NOX5: variants seen among roughly 807,000 people sequenced by gnomAD.
NOX5 encodes the protein NADPH oxidase, EF-hand calcium binding domain 5.
NOX5 carries 76 observed loss-of-function variants against 85.7 expected under a neutral mutation model. The ratio of observed to expected loss-of-function variants is 0.89; its 90% CI spans 0.74 to 1.07. The LOEUF (loss-of-function observed/expected upper bound fraction) is 1.07. Ranked by LOEUF, NOX5 falls within the 50% of genes least tolerant of loss-of-function variation. The probability of loss-of-function intolerance (pLI) is 0.00; values close to 1 mark genes in which losing one functional copy is unlikely to be tolerated. For missense variants in NOX5, 973 were observed against 999.5 expected, an observed-to-expected ratio of 0.97 and a Z score of 0.36; for synonymous variants, 405 against 401.4, an observed-to-expected ratio of 1.01 and a Z score of -0.11.
intron 2 of NOX5, 114 bp from the exon 3 acceptor site, chr15:69,028,101 C>T: frequency 8.7e-7 from 1 of 1,145,962 alleles, no homozygotes; most frequent in Non-Finnish European, 1.2e-6. Context: ...TGAATACCGC[C>T]ACTCTGTGGT....
chr15:69,033,701 CTTTTTT>C (rs570603838), intron 5 of NOX5, among the ~76,000 whole-genome samples: 1 of 119,290 alleles, frequency 8.4e-6, no homozygotes, highest in East Asian at 2.6e-4. Flanking sequence ...TCTTTTTTTT[CTTTTTT>C]TTTTTTTTTT....
chr15:69,036,813 G>T (rs2050522093), intron 7 of NOX5, among the ~76,000 whole-genome samples: 1 of 152,120 alleles, frequency 6.6e-6, no homozygotes, highest in African/African-American at 2.4e-5. Context: ...TCAGATGTTT[G>T]CCTCTGGTAT....
At position 69,042,696 on chromosome 15, in the gene NOX5, A is replaced by G; in HGVS notation, c.1538A>G (p.Gln513Arg). ...TIWLHIRSQG[Q>R]WTNRLYESFK... ...TGGCTGCACATTCGGTCCCAAGGCC[A>G]GTGGACAAACAGGCTGTATGAGTCC... Residue 513 changes from glutamine (Q) to arginine (R), a missense_variant, in exon 10 of 16, where the codon CAG becomes CGG. Physicochemically the swap from Gln to Arg is conservative, Grantham distance 43. Transcript: ENST00000388866. The G allele has an allele frequency of 3.7e-6, 6 of 1,614,080 alleles. No homozygotes were observed. The highest frequency in any genetic ancestry group is 5.1e-6 in the Non-Finnish European group (6 of 1,180,030).
chr15:69,023,183 C>T (rs550249458), intron 1 of NOX5: 9 of 282,044 alleles, frequency 3.2e-5, no homozygotes, highest in African/African-American at 9.2e-5. Context: ...CTGTAGAGAC[C>T]GCTAAGAGAG....
chr15:69,038,162 T>C (rs190654840), intron 8 of NOX5: 1 of 152,786 alleles, frequency 6.5e-6, no homozygotes, highest in Admixed American at 6.5e-5. Context: ...CTAGGACGTC[T>C]CCCAGGTGTC....
At chr15:69,026,790 TA>T in intron 2 of NOX5, 139 bp downstream of exon 2, 1 of 1,123,250 alleles carries the variant, frequency 8.9e-7, no homozygotes, top group Non-Finnish European at 1.3e-6. Flanking sequence ...GCGGGATGTT[TA>T]TGGCACCCTC....
chr15:69,033,157 T>TGCAG lies in NOX5; in HGVS notation c.738_741dup (p.Leu248ArgfsTer150). ...GCCAGCTGTTCTGCCTGGCCACCTATGCAGGCCTCCACGTGCTGCTCTTCG... is the reference window on the plus strand; with the variant it reads ...GCCAGCTGTTCTGCCTGGCCACCTATGCAGGCAGGCCTCCACGTGCTGCTCTTCG... On this transcript the variant is annotated frameshift_variant, in exon 5 of 16. Coordinates refer to ENST00000388866, the MANE Select transcript of NOX5 (RefSeq NM_024505.4). LOFTEE classifies it high-confidence loss of function. 1 of 1,580,594 alleles carries TGCAG rather than the reference T, an allele frequency of 6.3e-7. No homozygotes were observed. The highest frequency in any genetic ancestry group is 8.5e-7 in the Non-Finnish European group (1 of 1,170,100).
rs777205240 is a variant in NOX5, at chr15:69,031,743, C to A, written c.551C>A (p.Ala184Asp). 3.1e-6 allele frequency: 5 copies of A among 1,612,554 alleles called. No homozygotes were observed. In the Admixed American group the frequency reaches 5.0e-5, roughly 16 times the overall value. The change falls in exon 4 of 16, where the codon GCC (alanine) becomes GAC (aspartate). Residue 184 changes from alanine (A) to aspartate (D), a missense_variant. Coordinates refer to ENST00000388866, the MANE Select transcript of NOX5 (RefSeq NM_024505.4). ...FESADADGNGAITFEELRDEL... is the reference protein window; with the variant it reads ...FESADADGNGDITFEELRDEL... ...TCGGCCGACGCGGACGGCAACGGGG[C>A]CATCACCTTCGAGGAGCTCCGGGAC...
chr15:69,026,697 G>A (rs754398293), intron 2 of NOX5, 46 bp downstream of exon 2: 11 of 1,612,096 alleles, frequency 6.8e-6, no homozygotes, highest in Non-Finnish European at 9.3e-6. Flanking sequence ...TCGTTATGTG[G>A]CCTGGTTCTC....
chr15:69,046,912 C>T, intron 11 of NOX5, 46 bp downstream of exon 11: 1 of 1,597,340 alleles, frequency 6.3e-7, no homozygotes, highest in Non-Finnish European at 8.6e-7. Flanking sequence ...CCTGCCCCAA[C>T]CAAAGGAAAT....
intron 14 of NOX5, 35 bp from the exon 15 acceptor site, chr15:69,055,299 G>C (rs369991907): frequency 3.1e-6 from 5 of 1,608,868 alleles, no homozygotes; most frequent in Non-Finnish European, 4.3e-6. Flanking sequence ...ATGGGTACTA[G>C]ACCCTCAGTG....
rs368144949 is a variant in NOX5, at chr15:69,053,448, A to G, written c.2000-1886A>G. On this transcript the variant is annotated intron_variant, in intron 14 of 15. Coordinates refer to ENST00000388866, the MANE Select transcript of NOX5 (RefSeq NM_024505.4). ...TACATTTATTTGTAGTAGAAGTGCTAGTAGTAATAAGTGTTTAATAAAAGT... is the reference window on the plus strand; with the variant it reads ...TACATTTATTTGTAGTAGAAGTGCTGGTAGTAATAAGTGTTTAATAAAAGT... Among the ~76,000 whole-genome samples, 153 of 152,332 alleles carry G rather than the reference A, an allele frequency of 1.0e-3. 1 individual carries two copies. In the South Asian group the frequency reaches 0.031, roughly 30 times the overall value.
At position 69,031,784 on chromosome 15, in the gene NOX5, C is replaced by A. The variant is rs1466864762; in HGVS notation, c.592C>A (p.Pro198Thr). ...EELRDELQRF[P>T]GVMENLTISA... ...GCTCCGGGACGAGCTGCAGCGCTTC[C>A]CCGGAGTCATGGAGAACCTGACCAT... is the stretch of plus-strand genomic sequence containing the variant. Residue 198 changes from proline (P) to threonine (T), a missense_variant, in exon 4 of 16, where the codon CCC becomes ACC. Physicochemically the swap from Pro to Thr is conservative, Grantham distance 38 (BLOSUM62 -1). Coordinates refer to ENST00000388866, the MANE Select transcript of NOX5 (RefSeq NM_024505.4). The A allele has an allele frequency of 1.2e-6, 2 of 1,604,386 alleles. No homozygotes were observed. Among genetic ancestry groups the A allele is most frequent in the African/African-American group, 2.7e-5 (2 of 74,788 alleles).
intron 1 of NOX5, among the ~76,000 whole-genome samples, chr15:69,021,896 C>T (rs2050299898): frequency 6.6e-6 from 1 of 152,274 alleles, no homozygotes; most frequent in African/African-American, 2.4e-5. Context: ...GTGCCATAAT[C>T]TGCATATTTA....
chr15:69,057,980 G>C lies in NOX5; in HGVS notation c.*1284G>C, dbSNP rs775760074. The C allele has an allele frequency of 1.3e-5, 2 of 152,404 alleles. No homozygotes were observed. Among genetic ancestry groups the C allele is most frequent in the African/African-American group, 2.4e-5 (1 of 41,444 alleles). The allele number at this position is 152,404 out of a possible 1,614,324, so 9.4% of individuals were successfully genotyped here. A position where few individuals can be genotyped will look rare whatever the true frequency, so the allele number is the denominator to read the frequency against. ...GGAGCGGCCCTGGGCAGAGGACAGG[G>C]TGGGCCTCACCTCCTCCATCTGAGC... On this transcript the variant is annotated 3_prime_UTR_variant, in exon 16 of 16. Coordinates refer to ENST00000388866, the MANE Select transcript of NOX5 (RefSeq NM_024505.4).
chr15:69,031,763 C>G lies in NOX5; in HGVS notation c.571C>G (p.Arg191Gly), dbSNP rs149875802. ...CGGGGCCATCACCTTCGAGGAGCTC[C>G]GGGACGAGCTGCAGCGCTTCCCCGG... is the stretch of plus-strand genomic sequence containing the variant. ...GNGAITFEEL[R>G]DELQRFPGVM... Residue 191 changes from arginine to glycine, a missense_variant, in exon 4 of 16, where the codon CGG becomes GGG. Arg to Gly is a moderately radical substitution (Grantham distance 125). Coordinates refer to ENST00000388866, the MANE Select transcript of NOX5 (RefSeq NM_024505.4). The G allele has an allele frequency of 3.1e-6, 5 of 1,608,356 alleles. No individual in the cohort carries two copies. The highest frequency in any genetic ancestry group is 1.1e-5 in the South Asian group (1 of 90,882).
At chr15:69,056,123 T>C (rs1366783871) in intron 15 of NOX5, among the ~76,000 whole-genome samples, 1 of 151,968 alleles carries the variant, frequency 6.6e-6, no homozygotes, top group African/African-American at 2.4e-5. Flanking sequence ...TAGAAAAGGG[T>C]CCTCACTGGG....
intron 5 of NOX5, 58 bp from the exon 6 acceptor site, chr15:69,035,294 GAA>G: frequency 1.3e-6 from 2 of 1,571,346 alleles, no homozygotes; most frequent in South Asian, 2.4e-5. Flanking sequence ...AGGTGGCTGG[GAA>G]AAGAGGACAA....
intron 9 of NOX5, among the ~76,000 whole-genome samples, chr15:69,040,230 G>A (rs1158975539): frequency 6.6e-6 from 1 of 152,228 alleles, no homozygotes; most frequent in Non-Finnish European, 1.5e-5. Flanking sequence ...GGTTGGAGAG[G>A]GTGAAGCTAT....
Sources: gnomAD v4.1 joint callset for allele counts (sites outside exome capture counted in the v4.1 genomes callset) on GRCh38, gnomAD v4.1.1 for gene constraint, MANE v1.5 for transcripts, NCBI Gene and HGNC (gene_info 2026-07-23, HGNC 2026-07-21) for gene names.